ZDHHC14: variants seen among roughly 807,000 people sequenced by gnomAD.
ZDHHC14 encodes palmitoyltransferase ZDHHC14.
A neutral mutation model predicts 47.7 loss-of-function variants in ZDHHC14; 16 were observed. That is an observed-to-expected ratio of 0.34 (90% CI 0.23 to 0.51). The LOEUF is 0.51. Among genes scored for constraint, ZDHHC14 ranks in the 20% least tolerant of loss-of-function variants. The pLI is 0.97. For missense variants in ZDHHC14, 515 were observed against 662.5 expected (o/e 0.78, Z 2.44); for synonymous variants, 293 against 278.9 (o/e 1.05, Z -0.50).
At position 157,522,864 on chromosome 6, in the gene ZDHHC14, C is replaced by T. The variant is rs1417953696; in HGVS notation, c.246-19721C>T. ...TCCTTCCTTCCTTTCCTCCCTTCTT[C>T]CCTTGCTCCCTCCCATCTTCCTACC... On this transcript the variant is annotated intron_variant, in intron 1 of 8. Transcript: ENST00000359775. Among the ~76,000 whole-genome samples, 280 of 43,760 alleles carry T rather than the reference C, an allele frequency of 6.4e-3. 2 individuals are homozygous for T. The highest frequency in any genetic ancestry group is 9.1e-3 in the African/African-American group (56 of 6,138). 28.7% of individuals were successfully genotyped at this position (43,760 alleles called of 152,430 possible). A position where few individuals can be genotyped will look rare whatever the true frequency, so the allele number is the denominator to read the frequency against.
intron 5 of ZDHHC14, among the ~76,000 whole-genome samples, chr6:157,636,219 G>A (rs1486714919): frequency 9.6e-6 from 1 of 104,038 alleles, no homozygotes; most frequent in Admixed American, 9.0e-5. Context: ...CACACACACA[G>A]CGCTGTCTAT....
intron 5 of ZDHHC14, among the ~76,000 whole-genome samples, chr6:157,636,111 C>T (rs1776961248): frequency 6.6e-6 from 1 of 152,060 alleles, no homozygotes; most frequent in African/African-American, 2.4e-5. Context: ...ACCCGCACCT[C>T]CAGCCAAGGC....
chr6:157,667,271 A>T (rs1230923379), intron 8 of ZDHHC14, among the ~76,000 whole-genome samples: 4 of 152,198 alleles, frequency 2.6e-5, no homozygotes, highest in African/African-American at 9.7e-5. Context: ...CAATTCAAAC[A>T]TAACCAACGG....
At chr6:157,423,982 G>C (rs148776557) in intron 1 of ZDHHC14, among the ~76,000 whole-genome samples, 1 of 152,210 alleles carries the variant, frequency 6.6e-6, no homozygotes, top group Admixed American at 6.5e-5. Context: ...CCTGGCAGGC[G>C]CTTGAGGTAA....
chr6:157,558,736 A>G (rs984114847), intron 2 of ZDHHC14, among the ~76,000 whole-genome samples: 1 of 152,018 alleles, frequency 6.6e-6, no homozygotes, highest in African/African-American at 2.4e-5. Context: ...TAAAACAAAA[A>G]TGATTGGGAT....
intron 2 of ZDHHC14, among the ~76,000 whole-genome samples, chr6:157,588,762 T>C (rs1783790707): frequency 6.6e-6 from 1 of 152,178 alleles, no homozygotes; most frequent in South Asian, 2.1e-4. Flanking sequence ...AAGAGGCACA[T>C]AGGAATGTGT....
At chr6:157,671,722 T>C (rs886795368) in intron 8 of ZDHHC14, among the ~76,000 whole-genome samples, 2 of 152,186 alleles carry the variant, frequency 1.3e-5, no homozygotes, top group African/African-American at 4.8e-5. Flanking sequence ...ATAGGAAACG[T>C]CTTCTCAAAC....
intron 1 of ZDHHC14, among the ~76,000 whole-genome samples, chr6:157,470,168 C>T (rs1034726297): frequency 6.6e-6 from 1 of 152,134 alleles, no homozygotes; most frequent in Non-Finnish European, 1.5e-5. Flanking sequence ...ATCCTATTTT[C>T]CTTAGACAAA....
At chr6:157,517,891 T>G (rs1202975309) in intron 1 of ZDHHC14, among the ~76,000 whole-genome samples, 1 of 152,230 alleles carries the variant, frequency 6.6e-6, no homozygotes, top group Non-Finnish European at 1.5e-5. Context: ...GCTGTTGCCC[T>G]AGGCATTGCC....
intron 8 of ZDHHC14, among the ~76,000 whole-genome samples, chr6:157,654,019 C>T (rs1032329095): frequency 6.6e-6 from 1 of 152,304 alleles, no homozygotes; most frequent in African/African-American, 2.4e-5. Context: ...GACCCCTCTT[C>T]CACTTCCTCA....
intron 2 of ZDHHC14, among the ~76,000 whole-genome samples, chr6:157,589,076 T>C (rs1045646512): frequency 6.6e-6 from 1 of 152,018 alleles, no homozygotes; most frequent in Admixed American, 6.5e-5. Flanking sequence ...CCACAGGCTG[T>C]ATAGGAAGCA....
chr6:157,391,685 G>T (rs1193678495), intron 1 of ZDHHC14, among the ~76,000 whole-genome samples: 1 of 152,186 alleles, frequency 6.6e-6, no homozygotes, highest in Non-Finnish European at 1.5e-5. Context: ...TGCTTTGCTA[G>T]GGAAGGAAGC....
At chr6:157,493,673 C>T (rs1292783769) in intron 1 of ZDHHC14, among the ~76,000 whole-genome samples, 1 of 152,246 alleles carries the variant, frequency 6.6e-6, no homozygotes, top group Non-Finnish European at 1.5e-5. Flanking sequence ...CCTGGAACTT[C>T]CAAAGCAGCG....
At chr6:157,607,410 A>C (rs113854892) in intron 3 of ZDHHC14, among the ~76,000 whole-genome samples, 27 of 152,294 alleles carry the variant, frequency 1.8e-4, no homozygotes, top group South Asian at 8.3e-4. Flanking sequence ...ACAAACAAAC[A>C]AACCAACTAC....
In ZDHHC14 at chr6:157,542,591, G is replaced by T; in HGVS notation, c.252G>T (p.Pro84=). ...TSGLFFAFDC[P]YLAVKITPAI... is the part of the protein sequence containing the mutation. ...CTGTCCAACCTGTCGGCAGCTGTCCGTACCTGGCGGTGAAAATCACCCCTG... is the reference window on the plus strand; with the variant it reads ...CTGTCCAACCTGTCGGCAGCTGTCCTTACCTGGCGGTGAAAATCACCCCTG... The change falls in exon 2 of 9, where the codon CCG becomes CCT. Residue 84 remains proline, a synonymous_variant. Transcript: ENST00000359775. 5 of 1,613,878 alleles carry T rather than the reference G, an allele frequency of 3.1e-6. No homozygotes were observed. The highest frequency in any genetic ancestry group is 4.2e-6 in the Non-Finnish European group (5 of 1,179,932).
chr6:157,481,931 T>C (rs1188625618), intron 1 of ZDHHC14, among the ~76,000 whole-genome samples: 1 of 152,224 alleles, frequency 6.6e-6, no homozygotes, highest in Non-Finnish European at 1.5e-5. Flanking sequence ...AAGATAGCTT[T>C]CCTGGTTCAA....
At chr6:157,528,943 T>G (rs1185643425) in intron 1 of ZDHHC14, among the ~76,000 whole-genome samples, 1 of 151,318 alleles carries the variant, frequency 6.6e-6, no homozygotes, top group African/African-American at 2.4e-5. Context: ...AAAAGCATAA[T>G]TAGATGAAGA....
intron 1 of ZDHHC14, among the ~76,000 whole-genome samples, chr6:157,477,334 C>T (rs1056144415): frequency 1.3e-5 from 2 of 152,132 alleles, no homozygotes; most frequent in African/African-American, 2.4e-5. Flanking sequence ...GAGCCGAGAC[C>T]GTGCCACTGC....
intron 2 of ZDHHC14, among the ~76,000 whole-genome samples, chr6:157,550,020 G>C (rs150208442): frequency 6.6e-6 from 1 of 152,224 alleles, no homozygotes; most frequent in African/African-American, 2.4e-5. Flanking sequence ...CCTGGTGGAC[G>C]TCCTTCACAG....
Sources: gnomAD v4.1 joint callset for allele counts (sites outside exome capture counted in the v4.1 genomes callset) on GRCh38, gnomAD v4.1.1 for gene constraint, MANE v1.5 for transcripts, NCBI Gene and HGNC (gene_info 2026-07-23, HGNC 2026-07-21) for gene names.